MCTP1: variants seen among roughly 807,000 people sequenced by gnomAD.
MCTP1 encodes the protein multiple C2 and transmembrane domain-containing protein 1.
Under a neutral mutation model 120.6 loss-of-function variants are expected in MCTP1, and 69 were observed. The observed-to-expected ratio is 0.57, with a 90% CI of 0.47 to 0.70. The LOEUF (loss-of-function observed/expected upper bound fraction) is 0.70, where lower values mean the gene tolerates loss of function less well. Ranked by LOEUF, MCTP1 falls within the 30% of genes least tolerant of loss-of-function variation. The pLI is 0.00. For missense variants in MCTP1, 1,203 were observed against 1,248.8 expected, an observed-to-expected ratio of 0.96 and a Z score of 0.55; for synonymous variants, 529 against 493.1, an observed-to-expected ratio of 1.07 and a Z score of -0.96.
chr5:94,741,254 CAT>C (rs1463429666), intron 19 of MCTP1, among the ~76,000 whole-genome samples: 1 of 152,168 alleles, frequency 6.6e-6, no homozygotes, highest in African/African-American at 2.4e-5. Flanking sequence ...AACACTCTCA[CAT>C]AGTGACCCTT....
intron 1 of MCTP1, among the ~76,000 whole-genome samples, chr5:95,111,013 A>C (rs2152388142): frequency 6.6e-6 from 1 of 152,316 alleles, no homozygotes; most frequent in South Asian, 2.1e-4. Context: ...GGGAAAAAGA[A>C]AGCGTCAATT....
intron 8 of MCTP1, among the ~76,000 whole-genome samples, chr5:94,915,801 T>C (rs1809906926): frequency 6.6e-6 from 1 of 152,092 alleles, no homozygotes; most frequent in Non-Finnish European, 1.5e-5. Flanking sequence ...GATTCCATTT[T>C]CCATTGGGTC....
At chr5:94,887,277 C>T (rs982969556) in intron 12 of MCTP1, among the ~76,000 whole-genome samples, 1 of 152,102 alleles carries the variant, frequency 6.6e-6, no homozygotes, top group Admixed American at 6.5e-5. Context: ...CATCAATTTA[C>T]ATAGAACCAT....
At chr5:94,897,987 T>C (rs1262678734) in intron 10 of MCTP1, among the ~76,000 whole-genome samples, 1 of 152,202 alleles carries the variant, frequency 6.6e-6, no homozygotes, top group Non-Finnish European at 1.5e-5. Context: ...TAAGTTATTG[T>C]TCTTATAAGA....
In MCTP1 at chr5:94,953,241, A is replaced by T. The variant is rs780498932; in HGVS notation, c.959T>A (p.Leu320His). 6.2e-7 allele frequency: 1 copy of T among 1,612,654 alleles called. No individual in the cohort carries two copies. The highest frequency in any genetic ancestry group is 8.5e-7 in the Non-Finnish European group (1 of 1,179,358). Residue 320 changes from leucine to histidine, a missense_variant, in exon 3 of 23, where the codon CTT becomes CAT. Physicochemically the swap from Leu to His is moderately conservative, Grantham distance 99. Coordinates refer to ENST00000515393, the MANE Select transcript of MCTP1 (RefSeq NM_024717.7). ...EEKACILVDH[L>H]REPLYIKVFD... ...CACCTTTATATACAATGGCTCCCTAAGATGATCAACCAGAATACAAGCTTT... is the reference window on the plus strand; with the variant it reads ...CACCTTTATATACAATGGCTCCCTATGATGATCAACCAGAATACAAGCTTT...
intron 2 of MCTP1, among the ~76,000 whole-genome samples, chr5:95,006,392 T>G (rs1834772339): frequency 6.6e-6 from 1 of 151,904 alleles, no homozygotes; most frequent in African/African-American, 2.4e-5. Flanking sequence ...AAGCTTAAGA[T>G]CATAGACTAT....
intron 1 of MCTP1, among the ~76,000 whole-genome samples, chr5:95,209,898 C>G: frequency 6.6e-6 from 1 of 152,318 alleles, no homozygotes; most frequent in Admixed American, 6.5e-5. Context: ...TTTCAAAGAA[C>G]AACTTTATTT....
At chr5:95,254,504 G>T (rs1441449287) in intron 1 of MCTP1, among the ~76,000 whole-genome samples, 1 of 152,084 alleles carries the variant, frequency 6.6e-6, no homozygotes, top group African/African-American at 2.4e-5. Flanking sequence ...CAGTTAATAA[G>T]GCATTCCGTC....
chr5:94,939,239 A>G (rs1326351322), intron 5 of MCTP1, among the ~76,000 whole-genome samples: 1 of 152,022 alleles, frequency 6.6e-6, no homozygotes, highest in African/African-American at 2.4e-5. Flanking sequence ...CCAGCAGACA[A>G]TCTATAACCA....
intron 18 of MCTP1, chr5:94,793,305 C>A (rs984040761): frequency 6.6e-6 from 1 of 152,164 alleles, no homozygotes; most frequent in African/African-American, 2.4e-5. Flanking sequence ...TTTCTACCAA[C>A]ATCTGATTGG....
At chr5:94,839,684 G>A (rs1790579336) in intron 17 of MCTP1, among the ~76,000 whole-genome samples, 1 of 152,172 alleles carries the variant, frequency 6.6e-6, no homozygotes, top group Non-Finnish European at 1.5e-5. Flanking sequence ...TATTGATGAT[G>A]AAGTATCTGG....
intron 19 of MCTP1, among the ~76,000 whole-genome samples, chr5:94,717,362 G>A (rs1208057374): frequency 1.3e-5 from 2 of 152,026 alleles, no homozygotes; most frequent in Non-Finnish European, 2.9e-5. Context: ...GGTATTGATG[G>A]AACATACCTC....
At chr5:94,935,288 T>C (rs748760786) in intron 5 of MCTP1, among the ~76,000 whole-genome samples, 2 of 152,010 alleles carry the variant, frequency 1.3e-5, no homozygotes, top group African/African-American at 4.8e-5. Context: ...CTGATAGGTT[T>C]TTCAACTCAT....
At chr5:95,137,379 G>A (rs1328199766) in intron 1 of MCTP1, among the ~76,000 whole-genome samples, 1 of 152,220 alleles carries the variant, frequency 6.6e-6, no homozygotes, top group East Asian at 1.9e-4. Context: ...TTGCTGTGAA[G>A]ATTTATGAGA....
chr5:95,047,289 C>A (rs17339745), intron 1 of MCTP1, among the ~76,000 whole-genome samples: 1 of 152,078 alleles, frequency 6.6e-6, no homozygotes, highest in African/African-American at 2.4e-5. Flanking sequence ...TAGTGTCTTA[C>A]GTCATCCTGG....
intron 19 of MCTP1, among the ~76,000 whole-genome samples, chr5:94,738,219 T>C (rs1764711010): frequency 6.6e-6 from 1 of 152,234 alleles, no homozygotes; most frequent in South Asian, 2.1e-4. Flanking sequence ...GGCAGAATAA[T>C]ATCTTTTGAA....
intron 17 of MCTP1, among the ~76,000 whole-genome samples, chr5:94,865,481 G>A (rs190597815): frequency 1.0e-3 from 157 of 151,826 alleles, no homozygotes; most frequent in African/African-American, 2.8e-3. Flanking sequence ...AAGTAGAACC[G>A]ATATTATGAT....
In MCTP1 at chr5:94,863,817, C is replaced by T. The variant is rs574058622; in HGVS notation, c.2436+4516G>A. Reference sequence around the variant, plus strand: ...CAGTTCCTCCTCCTTTGCTGTGCTTCCTCCACTTTTTTTTTTTTAATCATT... The same window carrying T: ...CAGTTCCTCCTCCTTTGCTGTGCTTTCTCCACTTTTTTTTTTTTAATCATT... On this transcript the variant is annotated intron_variant, in intron 17 of 22. Transcript: ENST00000515393. Among the ~76,000 whole-genome samples the T allele has an allele frequency of 1.2e-4, 10 of 83,644 alleles. No homozygotes were observed. In the South Asian group the frequency reaches 2.8e-3, roughly 23 times the overall value. The allele number at this position is 83,644 out of a possible 152,430, so 54.9% of individuals were successfully genotyped here.
intron 1 of MCTP1, among the ~76,000 whole-genome samples, chr5:95,187,274 A>G (rs1264374825): frequency 6.6e-6 from 1 of 152,250 alleles, no homozygotes; most frequent in Admixed American, 6.5e-5. Flanking sequence ...TCAGCCATAA[A>G]AAGAATGAGA....
Sources: allele counts gnomAD v4.1 joint callset (sites outside exome capture counted in the v4.1 genomes callset), GRCh38; gene constraint gnomAD v4.1.1; transcripts MANE v1.5; gene names NCBI Gene and HGNC (gene_info 2026-07-23, HGNC 2026-07-21).